Variants in KIF26B observed in about 807,000 individuals in gnomAD.
KIF26B encodes the protein kinesin-like protein KIF26B.
A neutral mutation model predicts 151.2 loss-of-function variants in KIF26B; 63 were observed. The observed-to-expected ratio is 0.42, with a 90% CI of 0.34 to 0.51. The LOEUF (loss-of-function observed/expected upper bound fraction) is 0.51, where lower values mean the gene tolerates loss of function less well. KIF26B is among the 20% of genes least tolerant of loss of function. KIF26B has a pLI of 0.07. For synonymous variants in KIF26B, 1,357 were observed against 1,262.1 expected (o/e 1.08, Z -1.59); for missense variants, 2,813 against 2,913.6 (o/e 0.97, Z 0.79).
intron 2 of KIF26B, among the ~76,000 whole-genome samples, chr1:245,313,917 C>G (rs1270449224): frequency 6.6e-6 from 1 of 152,176 alleles, no homozygotes; most frequent in Non-Finnish European, 1.5e-5. Flanking sequence ...TCTTTCATGG[C>G]ACCCCTCCTG....
rs183462410 is a variant in KIF26B, at chr1:245,215,292, C to A, written c.465+58609C>A. Reference sequence around the variant, plus strand: ...GACCAGCCAGGTGCCCTCCAGCCAGCGGCCCCAGCATGACACGGTCCAGGT... The same window carrying A: ...GACCAGCCAGGTGCCCTCCAGCCAGAGGCCCCAGCATGACACGGTCCAGGT... On this transcript the variant is annotated intron_variant, in intron 2 of 14. Transcript: ENST00000407071. 1.3e-4 allele frequency among the ~76,000 whole-genome samples: 20 copies of A among 152,224 alleles called. No homozygotes were observed. In the East Asian group the frequency reaches 3.7e-3, roughly 28 times the overall value.
At chr1:245,538,696 T>A (rs1661537267) in intron 4 of KIF26B, among the ~76,000 whole-genome samples, 1 of 152,134 alleles carries the variant, frequency 6.6e-6, no homozygotes, top group Admixed American at 6.5e-5. Context: ...CTGGTCCTTT[T>A]TACACTGTGA....
Position 245,703,394 on chromosome 1 carries a change from A to G in KIF26B, c.*788A>G, listed in dbSNP as rs2044799954. 6.6e-6 allele frequency: 1 copy of G among 152,228 alleles called. No homozygotes were observed. The highest frequency in any genetic ancestry group is 2.4e-5 in the African/African-American group (1 of 41,464). The allele number at this position is 152,228 out of a possible 1,614,324, so 9.4% of individuals were successfully genotyped here. On this transcript the variant is annotated 3_prime_UTR_variant, in exon 15 of 15. Coordinates refer to ENST00000407071, the MANE Select transcript of KIF26B (RefSeq NM_018012.4). ...GTGGTCAGGTAGACCCAGAAGGTTG[A>G]TTGTGGGGCAGGTGCTTTAGAGAAC... is the stretch of plus-strand genomic sequence containing the variant.
chr1:245,550,125 CTT>C (rs759941561), intron 5 of KIF26B, among the ~76,000 whole-genome samples: 4 of 152,176 alleles, frequency 2.6e-5, no homozygotes, highest in Non-Finnish European at 2.9e-5. Flanking sequence ...TGCCAAATCT[CTT>C]TTCCAGTTCC....
intron 2 of KIF26B, among the ~76,000 whole-genome samples, chr1:245,157,838 C>A (rs1357748531): frequency 6.6e-6 from 1 of 152,248 alleles, no homozygotes; most frequent in African/African-American, 2.4e-5. Context: ...GCTAGACCTT[C>A]CGATTTAACA....
Position 245,358,392 on chromosome 1 carries a change from T to C in KIF26B, c.466-8442T>C, listed in dbSNP as rs1323736909. Among the ~76,000 whole-genome samples, 5 of 152,110 alleles carry C rather than the reference T, an allele frequency of 3.3e-5. No homozygotes were observed. Among genetic ancestry groups the C allele is most frequent in the East Asian group, 1.9e-4 (1 of 5,156 alleles). On this transcript the variant is annotated intron_variant, in intron 2 of 14. Coordinates refer to ENST00000407071, the MANE Select transcript of KIF26B (RefSeq NM_018012.4). The surrounding 1 kb of genome is among the most constrained non-coding windows in gnomAD (Gnocchi z 4.1). ...AATATTAGCCAGGCGTGGTGATGGG[T>C]GCCTGTAGTCCCAGCTACTCGGGAG... is the stretch of plus-strand genomic sequence containing the variant.
chr1:245,474,308 C>T (rs1659982492), intron 4 of KIF26B, among the ~76,000 whole-genome samples: 1 of 151,406 alleles, frequency 6.6e-6, no homozygotes, highest in African/African-American at 2.4e-5. Flanking sequence ...TGGGGTTTCA[C>T]CACATTAGCC....
rs1407072488 is a variant in KIF26B, at chr1:245,224,281, G to C, written c.465+67598G>C. On this transcript the variant is annotated intron_variant, in intron 2 of 14. Transcript: ENST00000407071. ...GCCTGGGCAACAAGAGCAAAACTCC[G>C]TCTCAAAGAAAAAAAAAAAAAATTC... Among the ~76,000 whole-genome samples the C allele has an allele frequency of 1.6e-4, 16 of 97,174 alleles. No individual in the cohort carries two copies. In the Admixed American group the frequency reaches 2.0e-3, roughly 12 times the overall value. 63.7% of individuals were successfully genotyped at this position (97,174 alleles called of 152,430 possible).
intron 6 of KIF26B, among the ~76,000 whole-genome samples, chr1:245,604,615 T>C (rs2043430345): frequency 6.6e-6 from 1 of 152,200 alleles, no homozygotes; most frequent in South Asian, 2.1e-4. Flanking sequence ...GTTGTAAGAA[T>C]TCCAAAGCAA....
rs538549549 is a variant in KIF26B, at chr1:245,649,295, G to T, written c.2258+3015G>T. 2.0e-5 allele frequency among the ~76,000 whole-genome samples: 3 copies of T among 152,340 alleles called. No homozygotes were observed. The East Asian group carries it at 5.8e-4, about 29-fold the overall frequency. Reference sequence around the variant, plus strand: ...AAGGTTTACTCAAATCACCCAGCCAGTGGGTGGCAGGATCAAACTGCCTCG... The same window carrying T: ...AAGGTTTACTCAAATCACCCAGCCATTGGGTGGCAGGATCAAACTGCCTCG... On this transcript the variant is annotated intron_variant, in intron 10 of 14. Coordinates refer to ENST00000407071, the MANE Select transcript of KIF26B (RefSeq NM_018012.4).
rs59713210 is a variant in KIF26B at position 245,206,031 on chromosome 1, C to A, written c.465+49348C>A. On this transcript the variant is annotated intron_variant, in intron 2 of 14. Transcript: ENST00000407071. ...GGAATTATAGGAGTGAGTCACTGAG[C>A]CCAGCCCCCAAGGAGACTTTTCTGA... is the stretch of plus-strand genomic sequence containing the variant. Among the ~76,000 whole-genome samples, 1,132 of 152,222 alleles carry A rather than the reference C, an allele frequency of 7.4e-3. 37 individuals carry two copies. In the East Asian group the frequency reaches 0.13, roughly 18 times the overall value.
intron 2 of KIF26B, among the ~76,000 whole-genome samples, chr1:245,233,206 C>T (rs1004128654): frequency 6.6e-6 from 1 of 152,206 alleles, no homozygotes; most frequent in African/African-American, 2.4e-5. Flanking sequence ...AAGAGGCTCA[C>T]AGGGCCCAGA....
Position 245,687,185 on chromosome 1 carries a change from C to T in KIF26B, c.4202C>T (p.Pro1401Leu), listed in dbSNP as rs756244755. Residue 1401 changes from proline to leucine, a missense_variant, in exon 12 of 15, where the codon CCC becomes CTC. Transcript: ENST00000407071. This position sits in a 1 kb window ranked among gnomAD's most constrained non-coding sequence, Gnocchi z 4.9. ...GTTTACCCCTGCATTGCCATGAGCC[C>T]CCGGAACATCCAAGAGCCGGAGGCC... ...ITVYPCIAMS[P>L]RNIQEPEAPT... 1.9e-6 allele frequency: 3 copies of T among 1,612,886 alleles called. No individual in the cohort carries two copies. Among genetic ancestry groups the T allele is most frequent in the Non-Finnish European group, 1.7e-6 (2 of 1,179,640 alleles).
At chr1:245,513,030 C>T (rs919257211) in intron 4 of KIF26B, among the ~76,000 whole-genome samples, 1 of 152,066 alleles carries the variant, frequency 6.6e-6, no homozygotes, top group African/African-American at 2.4e-5. Flanking sequence ...TCATCATGCC[C>T]CTGGATTTTG....
At chr1:245,382,975 A>C (rs1356803851) in intron 3 of KIF26B, among the ~76,000 whole-genome samples, 1 of 148,688 alleles carries the variant, frequency 6.7e-6, no homozygotes, top group Non-Finnish European at 1.5e-5. Flanking sequence ...TTTATATATA[A>C]ATTATTTTTA....
chr1:245,693,725 G>A (rs1267855369), intron 12 of KIF26B, among the ~76,000 whole-genome samples: 9 of 152,118 alleles, frequency 5.9e-5, no homozygotes, highest in South Asian at 4.1e-4. Context: ...GCTCCTCACC[G>A]AGGGCACCAT....
At chr1:245,443,836 GCGGTC>G (rs1659181498) in intron 4 of KIF26B, among the ~76,000 whole-genome samples, 1 of 50,374 alleles carries the variant, frequency 2.0e-5, no homozygotes, top group African/African-American at 7.3e-5. Context: ...TGTTCACCCT[GCGGTC>G]ATCTCCCTCA....
intron 2 of KIF26B, among the ~76,000 whole-genome samples, chr1:245,190,508 G>C (rs971982408): frequency 6.6e-6 from 1 of 151,992 alleles, no homozygotes; most frequent in Non-Finnish European, 1.5e-5. Context: ...ACTGGAAACA[G>C]CTTCTCATTT....
chr1:245,700,920 CCTTTCAGTCAGTCAGTT>C (rs1435813160), intron 14 of KIF26B, among the ~76,000 whole-genome samples: 1 of 152,226 alleles, frequency 6.6e-6, no homozygotes, highest in African/African-American at 2.4e-5. Context: ...CCAGGGGCCT[CCTTTCAGTCAGTCAGTT>C]CTCTCTCCTT....
Sources: gnomAD v4.1 joint callset for allele counts (sites outside exome capture counted in the v4.1 genomes callset) on GRCh38, gnomAD v4.1.1 for gene constraint, Gnocchi (gnomAD v3.1) non-coding constraint, MANE v1.5 for transcripts, NCBI Gene and HGNC (gene_info 2026-07-23, HGNC 2026-07-21) for gene names.